Variants in BAP1 observed in about 807,000 individuals in gnomAD.
BAP1 encodes BRCA1 associated deubiquitinase 1, also known as ubiquitin carboxyl-terminal hydrolase BAP1.
Under a neutral mutation model 77.2 loss-of-function variants are expected in BAP1, and 16 were observed. That is an observed-to-expected ratio of 0.21 (90% CI 0.14 to 0.31). The LOEUF is 0.31. Ranked by LOEUF, BAP1 falls within the 10% of genes least tolerant of loss-of-function variation. The pLI is 1.00. For missense variants in BAP1, 699 were observed against 967.3 expected (o/e 0.72, Z 3.68); for synonymous variants, 362 against 385.2 (o/e 0.94, Z 0.71).
At chr3:52,408,165 GGTCA>G (rs1705226021) in intron 4 of BAP1, 88 bp from the exon 5 acceptor site, 1 of 1,547,716 alleles carries the variant, frequency 6.5e-7, no homozygotes, top group East Asian at 2.4e-5. Context: ...ATCCAGAGCA[GGTCA>G]GTCATATCTG....
In BAP1 at chr3:52,402,142, T is replaced by G; in HGVS notation, c.*146A>C. Reference sequence around the variant, plus strand: ...AGGCCTCAGGGCACGATGGAAGGAATGTGGCCTGGTTCCTCCCATTCCCAG... The same window carrying G: ...AGGCCTCAGGGCACGATGGAAGGAAGGTGGCCTGGTTCCTCCCATTCCCAG... On this transcript the variant is annotated 3_prime_UTR_variant, in exon 17 of 17. Coordinates refer to ENST00000460680, the MANE Select transcript of BAP1 (RefSeq NM_004656.4). The surrounding 1 kb of genome is among the most constrained non-coding windows in gnomAD (Gnocchi z 5.3). 1 of 1,344,642 alleles carries G rather than the reference T, an allele frequency of 7.4e-7. No homozygotes were observed. Among genetic ancestry groups the G allele is most frequent in the Admixed American group, 2.1e-5 (1 of 47,676 alleles). 83.3% of individuals were successfully genotyped at this position (1,344,642 alleles called of 1,614,324 possible). A position where few individuals can be genotyped will look rare whatever the true frequency, so the allele number is the denominator to read the frequency against.
At position 52,403,310 on chromosome 3, in the gene BAP1, G is replaced by C; in HGVS notation, c.1730-12C>G. On this transcript the variant is annotated splice_polypyrimidine_tract_variant and intron_variant, in intron 13 of 16. Transcript: ENST00000460680. This position sits in a 1 kb window ranked among gnomAD's most constrained non-coding sequence, Gnocchi z 4.0. ...ACCCTTCCCACCCTCTGGGAAGAGA[G>C]GTCACAAGAAAATCATCAGAGTGCA... 1 of 1,613,512 alleles carries C rather than the reference G, an allele frequency of 6.2e-7. No individual in the cohort carries two copies. Among genetic ancestry groups the C allele is most frequent in the Non-Finnish European group, 8.5e-7 (1 of 1,179,986 alleles).
Position 52,406,299 on chromosome 3 carries a change from T to C in BAP1, c.737A>G (p.His246Arg), listed in dbSNP as rs1705155794. 1.2e-6 allele frequency: 2 copies of C among 1,614,178 alleles called. No homozygotes were observed. The highest frequency in any genetic ancestry group is 1.3e-5 in the African/African-American group (1 of 75,054). Residue 246 changes from histidine to arginine, a missense_variant, in exon 9 of 17, where the codon CAT becomes CGT. Coordinates refer to ENST00000460680, the MANE Select transcript of BAP1 (RefSeq NM_004656.4). This position sits in a 1 kb window ranked among gnomAD's most constrained non-coding sequence, Gnocchi z 4.6. ...DRRIKYEARL[H>R]VLKVNRQTVL... ...TGTCTGACGGTTCACCTTCAGCACA[T>C]GCAGCCTGGCCTCATACTTGATCCT...
chr3:52,405,909 T>C lies in BAP1; in HGVS notation c.787A>G (p.Ile263Val), dbSNP rs370841382. The C allele has an allele frequency of 2.5e-6, 4 of 1,613,914 alleles. No individual in the cohort carries two copies. The highest frequency in any genetic ancestry group is 1.3e-5 in the African/African-American group (1 of 74,902). Reference sequence around the variant, plus strand: ...ATCAGCTCTGGCTGTGTTACTCTTATCAGCTAACAACAGAATCCAGGGCTC... The same window carrying C: ...ATCAGCTCTGGCTGTGTTACTCTTACCAGCTAACAACAGAATCCAGGGCTC... Reference protein sequence around the residue: ...QTVLEALQQLIRVTQPELIQT... With the variant: ...QTVLEALQQLVRVTQPELIQT... The change falls in exon 10 of 17, where the codon ATA becomes GTA. Residue 263 changes from isoleucine (I) to valine (V), a missense_variant. By Grantham distance (29) the Ile-to-Val change is conservative. Around this residue, in one of 3 missense-constraint regions of BAP1, gnomAD observed 475 missense variants for 532.4 expected, o/e 0.89. Coordinates refer to ENST00000460680, the MANE Select transcript of BAP1 (RefSeq NM_004656.4).
rs2153226576 is a variant in BAP1 at position 52,403,434 on chromosome 3, T to C, written c.1711A>G (p.Ser571Gly). The C allele has an allele frequency of 6.2e-7, 1 of 1,613,812 alleles. No individual in the cohort carries two copies. Among genetic ancestry groups the C allele is most frequent in the Non-Finnish European group, 8.5e-7 (1 of 1,179,962 alleles). Residue 571 changes from serine (S) to glycine (G), a missense_variant, in exon 13 of 17, where the codon AGT (serine) becomes GGT (glycine). Physicochemically the swap from Ser to Gly is moderately conservative, Grantham distance 56 (BLOSUM62 0). Around this residue, in one of 3 missense-constraint regions of BAP1, gnomAD observed 475 missense variants for 532.4 expected, o/e 0.89. Transcript: ENST00000460680. This position sits in a 1 kb window ranked among gnomAD's most constrained non-coding sequence, Gnocchi z 4.0. ...GGCCCACCTGTCAGCGCCAGGGGACTCAGCACCCCATCCTCAGCCAGGTGC... is the reference window on the plus strand; with the variant it reads ...GGCCCACCTGTCAGCGCCAGGGGACCCAGCACCCCATCCTCAGCCAGGTGC... Reference protein sequence around the residue: ...LLHLAEDGVLSPLALTEGGKG... With the variant: ...LLHLAEDGVLGPLALTEGGKG...
chr3:52,407,498 C>T (rs201707820), intron 5 of BAP1, 38 bp from the exon 6 acceptor site: 1 of 1,613,524 alleles, frequency 6.2e-7, no homozygotes, highest in Non-Finnish European at 8.5e-7. Flanking sequence ...AGAATAATTT[C>T]TCCTCAGGTA....
Position 52,406,127 on chromosome 3 carries a change from T to G in BAP1, c.783+126A>C. The G allele has an allele frequency of 6.4e-7, 1 of 1,553,112 alleles. No individual in the cohort carries two copies. On this transcript the variant is annotated intron_variant, in intron 9 of 16. Coordinates refer to ENST00000460680, the MANE Select transcript of BAP1 (RefSeq NM_004656.4). The surrounding 1 kb of genome is among the most constrained non-coding windows in gnomAD (Gnocchi z 4.6). ...CCACAATGGGGGCAAAGAAAAGATG[T>G]GGTTAGCTGAAGCCCAGATCTACAA...
Position 52,402,288 on chromosome 3 carries a change from T to G in BAP1, c.2190A>C (p.Ter730CysextTer205). 6.2e-7 allele frequency: 1 copy of G among 1,601,238 alleles called. No homozygotes were observed. ...GCTGCAGAGTCAGGGCCAGCAGTCC[T>G]CACTGGCGCTTGGCCTTGTAGGGGC... ...RSRPYKAKRQ[*>C] Residue 730 changes from the stop codon to cysteine (C), a stop_lost, in exon 17 of 17, where the codon TGA becomes TGC. Transcript: ENST00000460680. The surrounding 1 kb of genome is among the most constrained non-coding windows in gnomAD (Gnocchi z 5.3).
At position 52,406,157 on chromosome 3, in the gene BAP1, G is replaced by A. The variant is rs2153227366; in HGVS notation, c.783+96C>T. 1 of 1,591,548 alleles carries A rather than the reference G, an allele frequency of 6.3e-7. No individual in the cohort carries two copies. Among genetic ancestry groups the A allele is most frequent in the Non-Finnish European group, 8.6e-7 (1 of 1,165,088 alleles). On this transcript the variant is annotated intron_variant, in intron 9 of 16. Transcript: ENST00000460680. This position sits in a 1 kb window ranked among gnomAD's most constrained non-coding sequence, Gnocchi z 4.6. The stretch of plus-strand genomic sequence containing the variant: ...AGCTGAAGCCCAGATCTACAAGAGA[G>A]TATGTTCACGAATCAGAGACAAATG...
Position 52,403,238 on chromosome 3 carries a change from C to A in BAP1, c.1790G>T (p.Ser597Ile), listed in dbSNP as rs556046793. The A allele has an allele frequency of 3.7e-6, 6 of 1,614,072 alleles. No homozygotes were observed. The highest frequency in any genetic ancestry group is 5.1e-6 in the Non-Finnish European group (6 of 1,180,050). ...TTCCACGACCTCCTTCTCCACTGGGCTGCTGGACCCCTGGCTGCCTTGGAT... is the reference window on the plus strand; with the variant it reads ...TTCCACGACCTCCTTCTCCACTGGGATGCTGGACCCCTGGCTGCCTTGGAT... ...RPIQGSQGSS[S>I]PVEKEVVEAT... Residue 597 changes from serine to isoleucine, a missense_variant, in exon 14 of 17, where the codon AGC (serine) becomes ATC (isoleucine). By Grantham distance (142) the Ser-to-Ile change is moderately radical (BLOSUM62 -2). Coordinates refer to ENST00000460680, the MANE Select transcript of BAP1 (RefSeq NM_004656.4). This position sits in a 1 kb window ranked among gnomAD's most constrained non-coding sequence, Gnocchi z 4.0.
chr3:52,401,308 C>A lies in BAP1; in HGVS notation c.*980G>T, dbSNP rs954122608. The A allele has an allele frequency of 3.0e-5, 7 of 233,374 alleles. No individual in the cohort carries two copies. The highest frequency in any genetic ancestry group is 2.8e-4 in the Admixed American group (5 of 17,782). The allele number at this position is 233,374 out of a possible 1,614,324, so 14.5% of individuals were successfully genotyped here. The stretch of plus-strand genomic sequence containing the variant: ...GGGTTGTCTTGATCCTGCTGTCCCC[C>A]ACCCTGAGTGCCTTGCAGAGGCTGA... On this transcript the variant is annotated 3_prime_UTR_variant, in exon 17 of 17. Transcript: ENST00000460680.
In BAP1 at chr3:52,404,455, A is replaced by G; in HGVS notation, c.1248T>C (p.Leu416=). The G allele has an allele frequency of 6.2e-7, 1 of 1,614,188 alleles. No individual in the cohort carries two copies. The highest frequency in any genetic ancestry group is 8.5e-7 in the Non-Finnish European group (1 of 1,180,034). The change falls in exon 12 of 17, where the codon CTT becomes CTC. Residue 416 remains leucine, a splice_region_variant and synonymous_variant. Transcript: ENST00000460680. ...TAGCCTTAGAAAGCTGGGCTGACCTAAGGGCAGAGTTGGTGTTCTGCACGT... is the reference window on the plus strand; with the variant it reads ...TAGCCTTAGAAAGCTGGGCTGACCTGAGGGCAGAGTTGGTGTTCTGCACGT... ...EDDVQNTNSA[L]RYKGKGTGKP...
At position 52,403,782 on chromosome 3, in the gene BAP1, A is replaced by C; in HGVS notation, c.1363T>G (p.Ser455Ala). ...INVLAEKLKESQKDLSIPLSI... is the reference protein window; with the variant it reads ...INVLAEKLKEAQKDLSIPLSI... ...AGAGGAATTGAGAGGTCCTTCTGGG[A>C]CTCTTTGAGCTTCTCAGCCAAGACG... Residue 455 changes from serine to alanine, a missense_variant, in exon 13 of 17, where the codon TCC becomes GCC. Ser to Ala is a moderately conservative substitution (Grantham distance 99, BLOSUM62 1). Around this residue, in one of 3 missense-constraint regions of BAP1, gnomAD observed 475 missense variants for 532.4 expected, o/e 0.89. Coordinates refer to ENST00000460680, the MANE Select transcript of BAP1 (RefSeq NM_004656.4). This position sits in a 1 kb window ranked among gnomAD's most constrained non-coding sequence, Gnocchi z 4.0. 6.2e-7 allele frequency: 1 copy of C among 1,613,548 alleles called. No individual in the cohort carries two copies. Among genetic ancestry groups the C allele is most frequent in the Non-Finnish European group, 8.5e-7 (1 of 1,179,920 alleles).
chr3:52,407,807 A>G, intron 5 of BAP1, 151 bp downstream of exon 5: 10 of 1,350,262 alleles, frequency 7.4e-6, no homozygotes, highest in South Asian at 6.5e-5. Flanking sequence ...GGCCTTACAC[A>G]ATTTATTTAA....
chr3:52,404,252 C>T lies in BAP1; in HGVS notation c.1250+201G>A, dbSNP rs9842960. On this transcript the variant is annotated intron_variant, in intron 12 of 16. Coordinates refer to ENST00000460680, the MANE Select transcript of BAP1 (RefSeq NM_004656.4). ...TCCAATAGGACATGATATAAGCTTA[C>T]GTGCTCAGCCTTACCCCCCAGCCCA... Among the ~76,000 whole-genome samples, 1,221 of 152,342 alleles carry T rather than the reference C, an allele frequency of 8.0e-3. 16 individuals carry two copies. Among genetic ancestry groups the T allele is most frequent in the African/African-American group, 0.028 (1,152 of 41,562 alleles).
Position 52,409,978 on chromosome 3 carries a change from C to T in BAP1, c.-100G>A, listed in dbSNP as rs1578231637. 2.6e-6 allele frequency: 4 copies of T among 1,515,854 alleles called. No individual in the cohort carries two copies. The highest frequency in any genetic ancestry group is 3.5e-6 in the Non-Finnish European group (4 of 1,128,662). 93.9% of individuals were successfully genotyped at this position (1,515,854 alleles called of 1,614,324 possible). ...CCGCCCCCGGGGCCCCTCAGTCCCACACACAGACAACGGGCCCAGTCGCGT... is the reference window on the plus strand; with the variant it reads ...CCGCCCCCGGGGCCCCTCAGTCCCATACACAGACAACGGGCCCAGTCGCGT... On this transcript the variant is annotated 5_prime_UTR_variant, in exon 1 of 17. The change creates a new upstream start codon in the 5' untranslated region. Transcript: ENST00000460680.
Position 52,405,796 on chromosome 3 carries a change from C to T in BAP1, c.900G>A (p.Arg300=), listed in dbSNP as rs752480391. 21 of 1,613,594 alleles carry T rather than the reference C, an allele frequency of 1.3e-5. No homozygotes were observed. Among genetic ancestry groups the T allele is most frequent in the Non-Finnish European group, 1.5e-5 (18 of 1,180,040 alleles). The part of the protein sequence containing the change: ...NKSPLVLEAN[R]APAASEGNHT... ...GGTTGCCCTCAGAGGCTGCAGGGGC[C>T]CTGTTTGCTTCCAGCACCAGCGGGG... The change falls in exon 10 of 17, where the codon AGG becomes AGA. Residue 300 remains arginine, a synonymous_variant. Transcript: ENST00000460680.
rs1276570098 is a variant in BAP1 at position 52,403,291 on chromosome 3, C to T, written c.1737G>A (p.Gly579=). The T allele has an allele frequency of 1.1e-5, 18 of 1,613,916 alleles. No individual in the cohort carries two copies. The highest frequency in any genetic ancestry group is 1.5e-5 in the Non-Finnish European group (18 of 1,180,044). ...GTCTGATGGAGGGCGAGGAACCCTT[C>T]CCACCCTCTGGGAAGAGAGGTCACA... ...VLSPLALTEG[G]KGSSPSIRPI... Residue 579 remains glycine (G), a synonymous_variant, in exon 14 of 17, where the codon GGG becomes GGA. Coordinates refer to ENST00000460680, the MANE Select transcript of BAP1 (RefSeq NM_004656.4). This position sits in a 1 kb window ranked among gnomAD's most constrained non-coding sequence, Gnocchi z 4.0.
rs757571975 is a variant in BAP1, at chr3:52,407,413, A to G, written c.423T>C (p.His141=). The stretch of plus-strand genomic sequence containing the variant: ...CTCCCACACACCTGGCATGGCTATT[A>G]TGGGCCTTGGCCAACTCCGGGGCAT... ...IGNAPELAKA[H]NSHARPEPRH... Residue 141 remains histidine (H), a synonymous_variant, in exon 6 of 17, where the codon CAT becomes CAC. Coordinates refer to ENST00000460680, the MANE Select transcript of BAP1 (RefSeq NM_004656.4). 4 of 1,614,164 alleles carry G rather than the reference A, an allele frequency of 2.5e-6. No homozygotes were observed. The South Asian group carries it at 4.4e-5, about 18-fold the overall frequency.
Sources: allele counts gnomAD v4.1 joint callset (sites outside exome capture counted in the v4.1 genomes callset), GRCh38; gene constraint gnomAD v4.1.1; regional missense constraint gnomAD v4.1.1; non-coding constraint Gnocchi (gnomAD v3.1); transcripts MANE v1.5; gene names NCBI Gene and HGNC (gene_info 2026-07-23, HGNC 2026-07-21).